The following ANO10 variants were observed in gnomAD, a reference collection of about 807,000 sequenced individuals.
ANO10 encodes anoctamin-10.
In ANO10, 77 loss-of-function variants were observed where a neutral mutation model predicts 74.7. The observed-to-expected ratio is 1.03, with a 90% CI of 0.86 to 1.25. ANO10 has a LOEUF of 1.25. ANO10 is among the 50% of genes most tolerant of loss of function. The pLI, the probability that ANO10 is intolerant of heterozygous loss-of-function variation, is 0.00. For missense variants in ANO10, 721 were observed against 778.1 expected (o/e 0.93, Z 0.87); for synonymous variants, 279 against 284.9 (o/e 0.98, Z 0.21).
chr3:43,412,220 C>T (rs1181004028), intron 12 of ANO10, among the ~76,000 whole-genome samples: 1 of 152,078 alleles, frequency 6.6e-6, no homozygotes, highest in Non-Finnish European at 1.5e-5. Context: ...TCTGCCCTCT[C>T]CTACAATGAT....
chr3:43,561,538 A>C (rs2080038331), intron 8 of ANO10, 136 bp from the exon 9 acceptor site: 3 of 818,038 alleles, frequency 3.7e-6, no homozygotes, highest in Non-Finnish European at 1.9e-6. Context: ...TGGAATCTTC[A>C]ATAAATAGCA....
At chr3:43,435,783 AT>A (rs991223667) in intron 11 of ANO10, among the ~76,000 whole-genome samples, 1 of 152,218 alleles carries the variant, frequency 6.6e-6, no homozygotes, top group Non-Finnish European at 1.5e-5. Flanking sequence ...ATTCACAGAT[AT>A]TGGTTAATTA....
chr3:43,605,005 G>C (rs967352094), intron 2 of ANO10, among the ~76,000 whole-genome samples: 1 of 151,866 alleles, frequency 6.6e-6, no homozygotes, highest in Admixed American at 6.6e-5. Flanking sequence ...TCAGTGTTCA[G>C]AGACTGTGCA....
chr3:43,506,147 G>A (rs2077286181), intron 11 of ANO10, among the ~76,000 whole-genome samples: 1 of 152,070 alleles, frequency 6.6e-6, no homozygotes, highest in Non-Finnish European at 1.5e-5. Context: ...GTATTATCTA[G>A]GACTTATTTG....
intron 12 of ANO10, among the ~76,000 whole-genome samples, chr3:43,431,700 T>C (rs1041441076): frequency 2.6e-5 from 4 of 151,962 alleles, no homozygotes; most frequent in Non-Finnish European, 5.9e-5. Flanking sequence ...TCATCCTCTT[T>C]TCCACATTCT....
At chr3:43,495,997 G>A (rs1470912049) in intron 11 of ANO10, among the ~76,000 whole-genome samples, 2 of 152,072 alleles carry the variant, frequency 1.3e-5, no homozygotes, top group Non-Finnish European at 2.9e-5. Context: ...CACCACGTCT[G>A]GCCAGGAAAA....
intron 11 of ANO10, among the ~76,000 whole-genome samples, chr3:43,519,238 A>G (rs1163452831): frequency 6.6e-6 from 1 of 152,192 alleles, no homozygotes; most frequent in East Asian, 1.9e-4. Context: ...CTTAAAAATT[A>G]ACAGCATTGT....
intron 1 of ANO10, among the ~76,000 whole-genome samples, chr3:43,664,398 T>TA (rs199602998): frequency 0.022 from 3,282 of 152,176 alleles, 75 homozygotes; most frequent in African/African-American, 0.053. Flanking sequence ...GATCAAAGAC[T>TA]AAAACATAAG....
Position 43,594,585 on chromosome 3 carries a change from C to A in ANO10, c.472+3947G>T, listed in dbSNP as rs941098490. Among the ~76,000 whole-genome samples the A allele has an allele frequency of 2.8e-4, 43 of 152,102 alleles. 1 individual carries two copies. The highest frequency in any genetic ancestry group is 1.3e-4 in the Admixed American group (2 of 15,268). On this transcript the variant is annotated intron_variant, in intron 4 of 12. Transcript: ENST00000292246. ...CAATGAGAATAAAGACACAACATAC[C>A]AGAATCTCTGGGACACATTTAAAGC...
chr3:43,477,886 G>A (rs1018497959), intron 11 of ANO10, among the ~76,000 whole-genome samples: 7 of 152,150 alleles, frequency 4.6e-5, no homozygotes, highest in East Asian at 3.8e-4. Flanking sequence ...GCAGGGGCCC[G>A]CCAACCTGCA....
chr3:43,461,141 A>T (rs1253018288), intron 11 of ANO10, among the ~76,000 whole-genome samples: 2 of 152,174 alleles, frequency 1.3e-5, no homozygotes, highest in Non-Finnish European at 2.9e-5. Context: ...ATTAAGAATA[A>T]AAGAAGAAAG....
At chr3:43,691,021 C>T in intron 1 of ANO10, 4 of 1,564,400 alleles carry the variant, frequency 2.6e-6, no homozygotes, top group African/African-American at 2.8e-5. Context: ...GAGGTGGACT[C>T]TGCCGACACC....
At chr3:43,481,353 AGTTTTTAAATTATGCCAG>A (rs2076261522) in intron 11 of ANO10, among the ~76,000 whole-genome samples, 1 of 152,212 alleles carries the variant, frequency 6.6e-6, no homozygotes, top group Non-Finnish European at 1.5e-5. Flanking sequence ...AGTAAAATGT[AGTTTTTAAATTATGCCAG>A]GTACTAAGAC....
At chr3:43,527,952 G>A (rs1162795495) in intron 11 of ANO10, among the ~76,000 whole-genome samples, 1 of 152,088 alleles carries the variant, frequency 6.6e-6, no homozygotes, top group African/African-American at 2.4e-5. Context: ...GGAAGGCTCA[G>A]GTATCTCCTG....
chr3:43,631,055 T>C (rs2083541301), intron 1 of ANO10, among the ~76,000 whole-genome samples: 1 of 152,200 alleles, frequency 6.6e-6, no homozygotes, highest in South Asian at 2.1e-4. Flanking sequence ...ATTGTTTTAG[T>C]CTTTACTTCT....
intron 1 of ANO10, among the ~76,000 whole-genome samples, chr3:43,644,911 C>T (rs757898946): frequency 9.2e-5 from 14 of 152,220 alleles, no homozygotes; most frequent in Non-Finnish European, 1.8e-4. Context: ...CCCTCTTGAA[C>T]CCTTTTCAGG....
chr3:43,375,462 CA>C (rs1238275627), intron 12 of ANO10, among the ~76,000 whole-genome samples: 1 of 151,708 alleles, frequency 6.6e-6, no homozygotes, highest in Non-Finnish European at 1.5e-5. Flanking sequence ...AAAAGAGAAT[CA>C]AGTTTTAAAA....
At chr3:43,451,033 A>G (rs988231345) in intron 11 of ANO10, among the ~76,000 whole-genome samples, 15 of 152,216 alleles carry the variant, frequency 9.9e-5, no homozygotes, top group African/African-American at 3.4e-4. Context: ...CCCTATTTTC[A>G]AAGTATATCA....
At chr3:43,672,353 G>A (rs994933228) in intron 1 of ANO10, among the ~76,000 whole-genome samples, 6 of 151,944 alleles carry the variant, frequency 3.9e-5, no homozygotes, top group South Asian at 2.1e-4. Context: ...GTGAGACTCC[G>A]TCTCAACAAA....
Sources: gnomAD v4.1 joint callset for allele counts (sites outside exome capture counted in the v4.1 genomes callset) on GRCh38, gnomAD v4.1.1 for gene constraint, MANE v1.5 for transcripts, NCBI Gene and HGNC (gene_info 2026-07-23, HGNC 2026-07-21) for gene names.